TFDP2: variants seen among roughly 807,000 people sequenced by gnomAD.
The protein encoded by TFDP2 is transcription factor Dp-2, also known as transcription factor Dp-2 (E2F dimerization partner 2).
Under a neutral mutation model 59.3 loss-of-function variants are expected in TFDP2, and 17 were observed. The observed-to-expected ratio is 0.29, with a 90% confidence interval of 0.20 to 0.43. TFDP2 has a LOEUF of 0.43. TFDP2 is among the 20% of genes least tolerant of loss of function. The pLI is 1.00. For missense variants in TFDP2, 391 were observed against 528.8 expected (o/e 0.74, Z 2.56); for synonymous variants, 180 against 194.7 (o/e 0.92, Z 0.63).
intron 3 of TFDP2, among the ~76,000 whole-genome samples, chr3:142,031,096 A>C (rs1161872500): frequency 6.6e-6 from 1 of 152,136 alleles, no homozygotes; most frequent in Non-Finnish European, 1.5e-5. Flanking sequence ...AATTGTCCAG[A>C]GCTAGACAAC....
intron 3 of TFDP2, among the ~76,000 whole-genome samples, chr3:142,015,677 C>T (rs531388260): frequency 6.6e-6 from 1 of 152,284 alleles, no homozygotes; most frequent in East Asian, 1.9e-4. Flanking sequence ...CCCACCCTAC[C>T]CCACAACTCT....
At chr3:142,136,905 G>T (rs923963182) in intron 1 of TFDP2, among the ~76,000 whole-genome samples, 2 of 152,008 alleles carry the variant, frequency 1.3e-5, no homozygotes, top group African/African-American at 4.8e-5. Flanking sequence ...CTTTTAAGTA[G>T]TTTTTTCCAA....
intron 1 of TFDP2, among the ~76,000 whole-genome samples, chr3:142,113,914 C>T (rs891489606): frequency 2.6e-5 from 4 of 152,118 alleles, no homozygotes; most frequent in South Asian, 4.2e-4. Context: ...CCTGTAATCC[C>T]AGCACTTTCG....
chr3:142,115,249 C>A (rs1047281173), intron 1 of TFDP2, among the ~76,000 whole-genome samples: 1 of 151,854 alleles, frequency 6.6e-6, no homozygotes, highest in Non-Finnish European at 1.5e-5. Flanking sequence ...CCTCAAATAT[C>A]ATTTCTAAAC....
chr3:142,108,948 G>A (rs1435377469), intron 1 of TFDP2, among the ~76,000 whole-genome samples: 5 of 152,040 alleles, frequency 3.3e-5, no homozygotes, highest in South Asian at 2.1e-4. Flanking sequence ...CACTTCCTCC[G>A]GGAAAAACAT....
At chr3:142,000,423 G>A (rs1362551122) in intron 4 of TFDP2, 3 of 622,212 alleles carry the variant, frequency 4.8e-6, no homozygotes, top group African/African-American at 3.6e-5. Context: ...CCACTCATAA[G>A]GGTGAAGCCC....
intron 3 of TFDP2, among the ~76,000 whole-genome samples, chr3:142,032,098 CTCTT>C (rs1305345040): frequency 6.7e-6 from 1 of 149,926 alleles, no homozygotes; most frequent in Non-Finnish European, 1.5e-5. Context: ...CTCTCTCTCT[CTCTT>C]TTTTTTTTAA....
At chr3:142,050,270 A>AT (rs1439675627) in intron 3 of TFDP2, among the ~76,000 whole-genome samples, 33 of 150,424 alleles carry the variant, frequency 2.2e-4, no homozygotes, top group African/African-American at 7.6e-4. Flanking sequence ...TCTCAAAAAA[A>AT]AAAAAATAAT....
At chr3:142,028,492 CA>C in intron 3 of TFDP2, 3 of 888,764 alleles carry the variant, frequency 3.4e-6, no homozygotes, top group Non-Finnish European at 3.9e-6. Context: ...GGCTATTTAT[CA>C]ATTTAATATT....
chr3:141,977,107 T>TA (rs1491255094), intron 7 of TFDP2, among the ~76,000 whole-genome samples: 11,441 of 85,404 alleles, frequency 0.13, 664 homozygotes, highest in Middle Eastern at 0.2. Flanking sequence ...TATATATATA[T>TA]TTTTTTTTTT....
At chr3:142,035,179 G>A (rs1414152602) in intron 3 of TFDP2, among the ~76,000 whole-genome samples, 1 of 152,238 alleles carries the variant, frequency 6.6e-6, no homozygotes, top group East Asian at 1.9e-4. Context: ...TATCTAAACT[G>A]AATTACCATT....
At chr3:142,106,066 A>G (rs915914093) in intron 1 of TFDP2, among the ~76,000 whole-genome samples, 8 of 151,930 alleles carry the variant, frequency 5.3e-5, no homozygotes, top group Admixed American at 4.0e-4. Context: ...GAAAAATACC[A>G]TAACATAAAC....
At chr3:142,050,333 T>A (rs1312044306) in intron 3 of TFDP2, among the ~76,000 whole-genome samples, 1 of 151,886 alleles carries the variant, frequency 6.6e-6, no homozygotes, top group South Asian at 2.1e-4. Flanking sequence ...TTTACTCTTA[T>A]CCCAGACACC....
rs1935844408 is a variant in TFDP2 at position 141,950,604 on chromosome 3, T to A, written c.*1909A>T. On this transcript the variant is annotated 3_prime_UTR_variant, in exon 13 of 13. Transcript: ENST00000489671. Reference sequence around the variant, plus strand: ...TCTTGGGACCTGCAGTTCAATATTTTGAAGACTACAAAGGTAGCAGTGGCT... The same window carrying A: ...TCTTGGGACCTGCAGTTCAATATTTAGAAGACTACAAAGGTAGCAGTGGCT... 1 of 152,656 alleles carries A rather than the reference T, an allele frequency of 6.6e-6. No individual in the cohort carries two copies. The highest frequency in any genetic ancestry group is 1.5e-5 in the Non-Finnish European group (1 of 68,048). 9.5% of individuals were successfully genotyped at this position (152,656 alleles called of 1,614,324 possible). A position where few individuals can be genotyped will look rare whatever the true frequency, so the allele number is the denominator to read the frequency against.
chr3:142,137,803 G>T (rs73236034), intron 1 of TFDP2, among the ~76,000 whole-genome samples: 12,652 of 152,156 alleles, frequency 0.083, 655 homozygotes, highest in Middle Eastern at 0.14. Flanking sequence ...GAGGATTTTC[G>T]TATCAATGTT....
chr3:142,000,568 A>G, intron 4 of TFDP2, among the ~76,000 whole-genome samples: 1 of 152,282 alleles, frequency 6.6e-6, no homozygotes, highest in Middle Eastern at 3.4e-3. Flanking sequence ...ATTCATGTCT[A>G]TTTCACAGGC....
intron 3 of TFDP2, among the ~76,000 whole-genome samples, chr3:142,041,386 G>A (rs71304119): frequency 6.6e-6 from 1 of 152,218 alleles, no homozygotes; most frequent in Non-Finnish European, 1.5e-5. Context: ...GACCAGGTGG[G>A]AGGTAATTGA....
intron 3 of TFDP2, among the ~76,000 whole-genome samples, chr3:142,070,019 C>A (rs1354661437): frequency 2.6e-5 from 4 of 151,938 alleles, no homozygotes; most frequent in African/African-American, 9.7e-5. Flanking sequence ...TATTCTCCTG[C>A]CTCAGCCTCC....
chr3:142,123,660 T>A (rs1467088509), intron 1 of TFDP2, among the ~76,000 whole-genome samples: 1 of 152,218 alleles, frequency 6.6e-6, no homozygotes, highest in Non-Finnish European at 1.5e-5. Context: ...AGAATGTATA[T>A]GTAATTTTGT....
Sources: allele counts gnomAD v4.1 joint callset (sites outside exome capture counted in the v4.1 genomes callset), GRCh38; gene constraint gnomAD v4.1.1; transcripts MANE v1.5; gene names NCBI Gene and HGNC (gene_info 2026-07-23, HGNC 2026-07-21).